The following KRT75 variants were observed in gnomAD, a reference collection of about 807,000 sequenced individuals.
KRT75 encodes keratin, type II cytoskeletal 75.
A neutral mutation model predicts 48.8 loss-of-function variants in KRT75; 35 were observed. That is an observed-to-expected ratio of 0.72 (90% CI 0.55 to 0.95). The LOEUF (loss-of-function observed/expected upper bound fraction) is 0.95, where lower values mean the gene tolerates loss of function less well. Ranked by LOEUF, KRT75 falls within the 40% of genes least tolerant of loss-of-function variation. KRT75 has a pLI of 0.00. For missense variants in KRT75, 776 were observed against 709.9 expected (o/e 1.09, Z -1.06); for synonymous variants, 301 against 282.3 (o/e 1.07, Z -0.66).
Position 52,424,108 on chromosome 12 carries a change from G to T in KRT75, c.*409C>A. 1 of 303,978 alleles carries T rather than the reference G, an allele frequency of 3.3e-6. No individual in the cohort carries two copies. The highest frequency in any genetic ancestry group is 6.4e-6 in the Non-Finnish European group (1 of 155,656). The allele number at this position is 303,978 out of a possible 1,614,324, so 18.8% of individuals were successfully genotyped here. A position where few individuals can be genotyped will look rare whatever the true frequency, so the allele number is the denominator to read the frequency against. On this transcript the variant is annotated 3_prime_UTR_variant, in exon 9 of 9. Transcript: ENST00000252245. ...CATTTAATAGACACATTCCAGGGAG[G>T]GAACAGAGGGAGCACTCACTCCCAG...
rs1048254334 is a variant in KRT75, at chr12:52,433,953, G to A, written c.352C>T (p.Pro118Ser). 6.2e-7 allele frequency: 1 copy of A among 1,614,132 alleles called. No individual in the cohort carries two copies. The highest frequency in any genetic ancestry group is 8.5e-7 in the Non-Finnish European group (1 of 1,180,004). The stretch of plus-strand genomic sequence containing the variant: ...ACAGTGACCTCTTGGATGCCTCCAG[G>A]GGGACACACGGGGAAGCTGGGGCCA... ...FSGPSFPVCP[P>S]GGIQEVTVNQ... The change falls in exon 1 of 9, where the codon CCT (proline) becomes TCT (serine). Residue 118 changes from proline to serine, a missense_variant. Pro to Ser is a moderately conservative substitution (Grantham distance 74). Coordinates refer to ENST00000252245, the MANE Select transcript of KRT75 (RefSeq NM_004693.3).
Position 52,434,361 on chromosome 12 carries a change from A to G in KRT75, c.-57T>C. 1 of 1,530,096 alleles carries G rather than the reference A, an allele frequency of 6.5e-7. No homozygotes were observed. Among genetic ancestry groups the G allele is most frequent in the Non-Finnish European group, 8.7e-7 (1 of 1,147,656 alleles). 94.8% of individuals were successfully genotyped at this position (1,530,096 alleles called of 1,614,324 possible). On this transcript the variant is annotated 5_prime_UTR_variant, in exon 1 of 9. Coordinates refer to ENST00000252245, the MANE Select transcript of KRT75 (RefSeq NM_004693.3). ...TGAGGTGGGCTGGTACAGGCAGTGGAGAAGACAGGTGGCTGGAGAGCCCTG... is the reference window on the plus strand; with the variant it reads ...TGAGGTGGGCTGGTACAGGCAGTGGGGAAGACAGGTGGCTGGAGAGCCCTG...
At position 52,424,229 on chromosome 12, in the gene KRT75, C is replaced by A; in HGVS notation, c.*288G>T. On this transcript the variant is annotated 3_prime_UTR_variant, in exon 9 of 9. Transcript: ENST00000252245. Reference sequence around the variant, plus strand: ...TCTGGAGGGAGGGAGGGAGGTGGAGCTGGAGGAGGACTTTCCAGCTGCCCG... The same window carrying A: ...TCTGGAGGGAGGGAGGGAGGTGGAGATGGAGGAGGACTTTCCAGCTGCCCG... 1 of 486,632 alleles carries A rather than the reference C, an allele frequency of 2.1e-6. No homozygotes were observed. The highest frequency in any genetic ancestry group is 2.1e-5 in the South Asian group (1 of 47,628). The allele number at this position is 486,632 out of a possible 1,614,324, so 30.1% of individuals were successfully genotyped here.
intron 8 of KRT75, among the ~76,000 whole-genome samples, chr12:52,426,485 G>T (rs1415147843): frequency 3.9e-5 from 6 of 152,208 alleles, no homozygotes; most frequent in Non-Finnish European, 8.8e-5. Flanking sequence ...TCACCTCTGT[G>T]CTAGGCTTGC....
intron 4 of KRT75, among the ~76,000 whole-genome samples, chr12:52,430,933 G>A (rs530303541): frequency 6.6e-6 from 1 of 152,304 alleles, no homozygotes; most frequent in Admixed American, 6.5e-5. Context: ...GCATGAGGGT[G>A]GGTAAGCATC....
In KRT75 at chr12:52,433,200, A is replaced by G; in HGVS notation, c.551T>C (p.Leu184Pro). Residue 184 changes from leucine to proline, a missense_variant, in exon 2 of 9, where the codon CTG (leucine) becomes CCG (proline). By Grantham distance (98) the Leu-to-Pro change is moderately conservative (BLOSUM62 -3). Coordinates refer to ENST00000252245, the MANE Select transcript of KRT75 (RefSeq NM_004693.3). ...CACAGTCCTGGAGCCCTGCTCCTGC[A>G]GGAGGGCCCACTTGGTCTCCAGGAC... is the stretch of plus-strand genomic sequence containing the variant. Reference protein sequence around the residue: ...NKVLETKWALLQEQGSRTVRQ... With the variant: ...NKVLETKWALPQEQGSRTVRQ... The G allele has an allele frequency of 6.2e-7, 1 of 1,614,146 alleles. No individual in the cohort carries two copies. The highest frequency in any genetic ancestry group is 1.7e-4 in the Middle Eastern group (1 of 6,050).
At chr12:52,426,703 T>C (rs996367475) in intron 8 of KRT75, 114 bp downstream of exon 8, 6 of 1,077,570 alleles carry the variant, frequency 5.6e-6, no homozygotes, top group Non-Finnish European at 8.7e-6. Flanking sequence ...AAATGAACGC[T>C]GTCTGTGAGA....
rs138800983 is a variant in KRT75 at position 52,428,266 on chromosome 12, C to T, written c.1372G>A (p.Glu458Lys). 3,328 of 1,613,992 alleles carry T rather than the reference C, an allele frequency of 2.1e-3. 9 individuals are homozygous for T. The highest frequency in any genetic ancestry group is 2.7e-3 in the Non-Finnish European group (3,150 of 1,180,030). ...GTGCATCTGCCTCACCTGCACTCCT[C>T]GCCTTCCAGCAGCTTGCGGTAGGTG... ...IATYRKLLEG[E>K]ECRLSGEGVS... The change falls in exon 7 of 9, where the codon GAG becomes AAG. Residue 458 changes from glutamate (E) to lysine (K), a missense_variant. By Grantham distance (56) the Glu-to-Lys change is moderately conservative. Coordinates refer to ENST00000252245, the MANE Select transcript of KRT75 (RefSeq NM_004693.3).
At position 52,434,084 on chromosome 12, in the gene KRT75, T is replaced by C. The variant is rs776985284; in HGVS notation, c.221A>G (p.Asn74Ser). 1.9e-6 allele frequency: 3 copies of C among 1,613,896 alleles called. No homozygotes were observed. Among genetic ancestry groups the C allele is most frequent in the East Asian group, 4.5e-5 (2 of 44,866 alleles). ...ACTTCGGCAGCTGCTGCCACACCCATTGATGGAGACCCGCTTGGCACCCCC... is the reference window on the plus strand; with the variant it reads ...ACTTCGGCAGCTGCTGCCACACCCACTGATGGAGACCCGCTTGGCACCCCC... ...NLGGAKRVSI[N>S]GCGSSCRSGF... The change falls in exon 1 of 9, where the codon AAT becomes AGT. Residue 74 changes from asparagine (N) to serine (S), a missense_variant. Asn to Ser is a conservative substitution (Grantham distance 46, BLOSUM62 1). Transcript: ENST00000252245.
chr12:52,431,516 G>T (rs1317642401), intron 4 of KRT75, 27 bp downstream of exon 4: 1 of 1,477,002 alleles, frequency 6.8e-7, no homozygotes. Context: ...AGACCTAGGA[G>T]AGACAGAAAT....
At chr12:52,427,388 A>C (rs1187489908) in intron 7 of KRT75, among the ~76,000 whole-genome samples, 1 of 152,254 alleles carries the variant, frequency 6.6e-6, no homozygotes, top group African/African-American at 2.4e-5. Flanking sequence ...TGAGAAACTT[A>C]ACAAGAGGTA....
chr12:52,433,292 A>G (rs1940170703), intron 1 of KRT75, 40 bp from the exon 2 acceptor site: 1 of 1,546,950 alleles, frequency 6.5e-7, no homozygotes, highest in African/African-American at 1.4e-5. Flanking sequence ...GAGAAGTTGG[A>G]GAGGCAGAGT....
At position 52,432,121 on chromosome 12, in the gene KRT75, C is replaced by T. The variant is rs539226471; in HGVS notation, c.714-55G>A. On this transcript the variant is annotated intron_variant, in intron 2 of 8. Transcript: ENST00000252245. ...TGAGCAAGTCTGCATTGAACTCTTT[C>T]CAGGCTGGTGTAGCAAGAGTTAAGA... 136 of 1,579,594 alleles carry T rather than the reference C, an allele frequency of 8.6e-5. No homozygotes were observed. In the African/African-American group the frequency reaches 1.3e-3, roughly 15 times the overall value.
chr12:52,432,146 A>G (rs1940153958), intron 2 of KRT75, 80 bp from the exon 3 acceptor site: 3 of 1,414,228 alleles, frequency 2.1e-6, no homozygotes, highest in Non-Finnish European at 3.0e-6. Flanking sequence ...AAGAGTTAAG[A>G]GCCCTCAAAT....
intron 5 of KRT75, 145 bp downstream of exon 5, chr12:52,430,396 C>T (rs1357092976): frequency 4.6e-6 from 4 of 873,372 alleles, no homozygotes; most frequent in South Asian, 1.4e-5. Context: ...GCATTTCAAG[C>T]TAAGTTGTCA....
intron 2 of KRT75, among the ~76,000 whole-genome samples, chr12:52,432,617 A>T (rs992781189): frequency 1.3e-5 from 2 of 152,140 alleles, no homozygotes; most frequent in African/African-American, 4.8e-5. Flanking sequence ...GTTTCCCCCC[A>T]CAAGAAAAGT....
rs61735042 is a variant in KRT75 at position 52,424,635 on chromosome 12, C to G, written c.1538G>C (p.Gly513Ala). The change falls in exon 9 of 9, where the codon GGT (glycine) becomes GCT (alanine). Residue 513 changes from glycine to alanine, a missense_variant. By Grantham distance (60) the Gly-to-Ala change is moderately conservative. Coordinates refer to ENST00000252245, the MANE Select transcript of KRT75 (RefSeq NM_004693.3). ...SFTTSGGHSL[G>A]AGLGGSGFSA... Reference sequence around the variant, plus strand: ...GAATCCAGAACCTCCCAGGCCTGCACCCAGGCTATGCCCACCACTGGTGGT... The same window carrying G: ...GAATCCAGAACCTCCCAGGCCTGCAGCCAGGCTATGCCCACCACTGGTGGT... The G allele has an allele frequency of 1.9e-6, 3 of 1,614,188 alleles. No individual in the cohort carries two copies. The East Asian group carries it at 6.7e-5, about 36-fold the overall frequency.
chr12:52,431,909 G>T, intron 3 of KRT75, 97 bp downstream of exon 3: 1 of 1,148,688 alleles, frequency 8.7e-7, no homozygotes, highest in Non-Finnish European at 1.3e-6. Flanking sequence ...AGGTTGATGT[G>T]ACATTTCTTG....
In KRT75 at chr12:52,433,808, T is replaced by C. The variant is rs746418467; in HGVS notation, c.497A>G (p.Lys166Arg). ...LNNKFASFID[K>R]VRFLEQQNKV... is the part of the protein sequence containing the mutation. Reference sequence around the variant, plus strand: ...GGGGTGGATGAAGCCCCTGCTTACCTTGTCGATGAAGGAGGCGAACTTATT... The same window carrying C: ...GGGGTGGATGAAGCCCCTGCTTACCCTGTCGATGAAGGAGGCGAACTTATT... Residue 166 changes from lysine to arginine, a missense_variant and splice_region_variant, in exon 1 of 9, where the codon AAG becomes AGG. Lys to Arg is a conservative substitution (Grantham distance 26, BLOSUM62 2). Coordinates refer to ENST00000252245, the MANE Select transcript of KRT75 (RefSeq NM_004693.3). The C allele has an allele frequency of 5.6e-6, 9 of 1,613,988 alleles. No individual in the cohort carries two copies. In the East Asian group the frequency reaches 2.0e-4, roughly 36 times the overall value.
Sources: gnomAD v4.1 joint callset for allele counts (sites outside exome capture counted in the v4.1 genomes callset) on GRCh38, gnomAD v4.1.1 for gene constraint, MANE v1.5 for transcripts, NCBI Gene and HGNC (gene_info 2026-07-23, HGNC 2026-07-21) for gene names.